MTUS2: variants seen among roughly 807,000 people sequenced by gnomAD.
MTUS2 encodes the protein microtubule associated scaffold protein 2, also known as microtubule-associated tumor suppressor candidate 2.
MTUS2 carries 40 observed loss-of-function variants against 114.1 expected under a neutral mutation model. That is an observed-to-expected ratio of 0.35 (90% CI 0.27 to 0.46). MTUS2 has a LOEUF of 0.46. Ranked by LOEUF, MTUS2 falls within the 20% of genes least tolerant of loss-of-function variation. The pLI, the probability that MTUS2 is intolerant of heterozygous loss-of-function variation, is 1.00. For missense variants in MTUS2, 1,679 were observed against 1,705.4 expected, an observed-to-expected ratio of 0.98 and a Z score of 0.27; for synonymous variants, 688 against 672.0, an observed-to-expected ratio of 1.02 and a Z score of -0.37.
chr13:28,970,159 TTA>T (rs1408534954), intron 2 of MTUS2, among the ~76,000 whole-genome samples: 1 of 152,334 alleles, frequency 6.6e-6, no homozygotes, highest in Non-Finnish European at 1.5e-5. Context: ...GTTAGAAAAT[TTA>T]GTTTTATTTT....
intron 7 of MTUS2, among the ~76,000 whole-genome samples, chr13:29,345,163 C>G (rs1244152954): frequency 2.0e-5 from 3 of 152,048 alleles, no homozygotes; most frequent in Non-Finnish European, 2.9e-5. Context: ...GATAAATTTC[C>G]CGGGTGTTCT....
chr13:29,042,818 T>C (rs1213481419), intron 4 of MTUS2, among the ~76,000 whole-genome samples: 3 of 152,118 alleles, frequency 2.0e-5, no homozygotes, highest in African/African-American at 7.2e-5. Context: ...TAATATCCCC[T>C]GTTTTGTTTC....
chr13:28,829,371 CA>C (rs932237465), intron 1 of MTUS2, among the ~76,000 whole-genome samples: 307 of 143,908 alleles, frequency 2.1e-3, no homozygotes, highest in African/African-American at 6.0e-3. Flanking sequence ...CCTAAAAGTA[CA>C]AAAAAAAAAA....
intron 2 of MTUS2, among the ~76,000 whole-genome samples, chr13:28,953,664 TTA>T (rs775828778): frequency 5.3e-4 from 81 of 152,356 alleles, no homozygotes; most frequent in Admixed American, 8.5e-4. Context: ...AGTATTATGT[TTA>T]TATGTTTTGT....
chr13:29,045,503 A>G (rs1179978362), intron 4 of MTUS2, among the ~76,000 whole-genome samples: 4 of 152,188 alleles, frequency 2.6e-5, no homozygotes, highest in Non-Finnish European at 5.9e-5. Context: ...GAGAGGACAC[A>G]AACATTCAGT....
At chr13:29,052,356 C>G (rs1330458862) in intron 4 of MTUS2, among the ~76,000 whole-genome samples, 1 of 150,964 alleles carries the variant, frequency 6.6e-6, no homozygotes, top group Admixed American at 6.6e-5. Context: ...TGGCAGGCAC[C>G]TGTAATCCCA....
intron 2 of MTUS2, among the ~76,000 whole-genome samples, chr13:28,955,935 T>G (rs1361671781): frequency 1.3e-5 from 2 of 151,740 alleles, no homozygotes; most frequent in Non-Finnish European, 2.9e-5. Flanking sequence ...CAGAAGTTAT[T>G]GGGACACAGG....
At chr13:29,489,435 C>T (rs75892922) in intron 11 of MTUS2, among the ~76,000 whole-genome samples, 2,007 of 152,264 alleles carry the variant, frequency 0.013, 34 homozygotes, top group African/African-American at 0.044. Context: ...AGCACCACCC[C>T]CACTACCTCT....
At chr13:29,330,066 A>G (rs990162862) in intron 7 of MTUS2, among the ~76,000 whole-genome samples, 3 of 152,192 alleles carry the variant, frequency 2.0e-5, no homozygotes, top group Non-Finnish European at 2.9e-5. Flanking sequence ...TCCCACCAAC[A>G]GTATAAAAGC....
chr13:29,441,818 C>T (rs750518293), intron 9 of MTUS2, among the ~76,000 whole-genome samples: 17 of 152,286 alleles, frequency 1.1e-4, no homozygotes, highest in Middle Eastern at 3.4e-3. Context: ...CCATCCTCCT[C>T]GATGACTCCC....
At chr13:28,840,607 A>G (rs1875407871) in intron 2 of MTUS2, among the ~76,000 whole-genome samples, 1 of 152,212 alleles carries the variant, frequency 6.6e-6, no homozygotes. Context: ...CAACTTTTAA[A>G]CGAGTAGAGA....
At chr13:29,021,085 A>G (rs561474582) in intron 2 of MTUS2, among the ~76,000 whole-genome samples, 4 of 152,286 alleles carry the variant, frequency 2.6e-5, no homozygotes, top group South Asian at 2.1e-4. Context: ...TGGTCAATGT[A>G]TCGAGACCCT....
intron 5 of MTUS2, among the ~76,000 whole-genome samples, chr13:29,115,989 T>C (rs1250666627): frequency 6.6e-6 from 1 of 152,090 alleles, no homozygotes; most frequent in East Asian, 1.9e-4. Context: ...CCAGGCATTA[T>C]AGGATTGTTG....
At position 28,904,846 on chromosome 13, in the gene MTUS2, G is replaced by A. The variant is rs1409774833; in HGVS notation, c.-243+64996G>A. Among the ~76,000 whole-genome samples, 6 of 151,972 alleles carry A rather than the reference G, an allele frequency of 3.9e-5. No homozygotes were observed. In the South Asian group the frequency reaches 1.2e-3, roughly 32 times the overall value. On this transcript the variant is annotated intron_variant, in intron 2 of 15. Transcript: ENST00000612955. ...TTGAATCTATAAATTACCTTGGGCA[G>A]TATGGCCATTTTCATGATATTGATT...
At chr13:29,443,131 C>T (rs1878016001) in intron 9 of MTUS2, among the ~76,000 whole-genome samples, 1 of 152,154 alleles carries the variant, frequency 6.6e-6, no homozygotes, top group Non-Finnish European at 1.5e-5. Flanking sequence ...CCCACAAGTT[C>T]CCCTTCATAA....
chr13:29,131,795 T>G (rs1470459551), intron 5 of MTUS2, among the ~76,000 whole-genome samples: 1 of 152,246 alleles, frequency 6.6e-6, no homozygotes, highest in East Asian at 1.9e-4. Context: ...ACATGCTCAC[T>G]GTGGAGAGTT....
chr13:29,412,869 A>C (rs1875365355), intron 8 of MTUS2, among the ~76,000 whole-genome samples: 1 of 152,114 alleles, frequency 6.6e-6, no homozygotes, highest in Non-Finnish European at 1.5e-5. Context: ...GGCAGGTTGC[A>C]TTCATTTCTG....
chr13:28,951,671 C>T (rs1189913516), intron 2 of MTUS2, among the ~76,000 whole-genome samples: 7 of 151,914 alleles, frequency 4.6e-5, no homozygotes, highest in East Asian at 1.9e-4. Flanking sequence ...TGGTGGTGCA[C>T]GCCTGTAGTC....
intron 8 of MTUS2, among the ~76,000 whole-genome samples, chr13:29,439,757 G>A (rs527273802): frequency 8.8e-4 from 134 of 152,242 alleles, no homozygotes; most frequent in Admixed American, 1.4e-3. Context: ...ACACAACCAC[G>A]GGTATTATTA....
Sources: allele counts gnomAD v4.1 joint callset (sites outside exome capture counted in the v4.1 genomes callset), GRCh38; gene constraint gnomAD v4.1.1; transcripts MANE v1.5; gene names NCBI Gene and HGNC (gene_info 2026-07-23, HGNC 2026-07-21).